The following PHTF1 variants were observed in gnomAD, a reference collection of about 807,000 sequenced individuals.
The protein encoded by PHTF1 is protein PHTF1.
In PHTF1, 88 loss-of-function variants were observed where a neutral mutation model predicts 102.4. The ratio of observed to expected loss-of-function variants is 0.86; its 90% CI spans 0.72 to 1.03. The LOEUF is 1.03. Among genes scored for constraint, PHTF1 ranks in the 50% least tolerant of loss-of-function variants. The probability of loss-of-function intolerance (pLI) is 0.00; values close to 1 mark genes in which losing one functional copy is unlikely to be tolerated. For synonymous variants in PHTF1, 289 were observed against 305.2 expected (o/e 0.95, Z 0.55); for missense variants, 814 against 909.5 (o/e 0.89, Z 1.35).
At chr1:113,736,059 G>A (rs886836159) in intron 5 of PHTF1, among the ~76,000 whole-genome samples, 3 of 152,056 alleles carry the variant, frequency 2.0e-5, no homozygotes, top group Non-Finnish European at 2.9e-5. Flanking sequence ...ATATAAATAG[G>A]AGGCCAGGCG....
chr1:113,719,632 C>T (rs761090420), intron 7 of PHTF1, among the ~76,000 whole-genome samples: 7 of 152,216 alleles, frequency 4.6e-5, no homozygotes, highest in Non-Finnish European at 5.9e-5. Context: ...GCATTGCTGT[C>T]AAAGCCATTC....
At chr1:113,704,837 ATG>A (rs1557905514) in intron 13 of PHTF1, 40 bp from the exon 14 acceptor site, 1 of 1,385,736 alleles carries the variant, frequency 7.2e-7, no homozygotes, top group Admixed American at 2.0e-5. Context: ...AAATGTATGT[ATG>A]TGTCTGTGTA....
rs575659203 is a variant in PHTF1 at position 113,721,694 on chromosome 1, C to A, written c.623+3065G>T. 4.6e-5 allele frequency among the ~76,000 whole-genome samples: 7 copies of A among 151,994 alleles called. No homozygotes were observed. The East Asian group carries it at 7.7e-4, about 17-fold the overall frequency. Reference sequence around the variant, plus strand: ...ACAAAATTGACATAAAAATCAATAGCATTTCTTTTTTTTGAGACAGAGTCT... The same window carrying A: ...ACAAAATTGACATAAAAATCAATAGAATTTCTTTTTTTTGAGACAGAGTCT... On this transcript the variant is annotated intron_variant, in intron 7 of 18. Transcript: ENST00000369604.
upstream of PHTF1, chr1:113,759,578 G>A (rs1242154639): frequency 3.3e-5 from 5 of 152,484 alleles, no homozygotes; most frequent in Admixed American, 2.6e-4. Flanking sequence ...CTCCGCCCCT[G>A]GCCCGGGGCC....
chr1:113,715,304 C>G (rs1030643386), intron 7 of PHTF1: 1 of 152,190 alleles, frequency 6.6e-6, no homozygotes, highest in African/African-American at 2.4e-5. Flanking sequence ...TAATAAGATA[C>G]CAGTGACCAA....
chr1:113,701,079 A>C, intron 15 of PHTF1, 130 bp from the exon 16 acceptor site: 1 of 677,792 alleles, frequency 1.5e-6, no homozygotes, highest in Non-Finnish European at 2.5e-6. Context: ...GAAGAGCTTT[A>C]ATACTCATTA....
chr1:113,705,719 T>G, intron 13 of PHTF1, 171 bp downstream of exon 13: 1 of 622,518 alleles, frequency 1.6e-6, no homozygotes, highest in Non-Finnish European at 2.8e-6. Flanking sequence ...ACGTGTAATA[T>G]GTAAATAGTC....
chr1:113,735,147 C>A (rs551719730), intron 5 of PHTF1, among the ~76,000 whole-genome samples: 3 of 152,026 alleles, frequency 2.0e-5, no homozygotes, highest in Admixed American at 6.6e-5. Flanking sequence ...AGGAGGATCA[C>A]CTGGGGTCAG....
intron 3 of PHTF1, among the ~76,000 whole-genome samples, chr1:113,751,495 T>C (rs1163427214): frequency 6.6e-6 from 1 of 152,236 alleles, no homozygotes; most frequent in Non-Finnish European, 1.5e-5. Flanking sequence ...GTACTTAGCA[T>C]GACATTTTTT....
chr1:113,702,788 G>A lies in PHTF1; in HGVS notation c.1890+1293C>T, dbSNP rs557158656. On this transcript the variant is annotated intron_variant, in intron 15 of 18. Coordinates refer to ENST00000369604, the MANE Select transcript of PHTF1 (RefSeq NM_001323043.2). ...GATATAACATGTAGAAATGAATCAA[G>A]ACAGCTGGTGCAATGAAATTAACAT... Among the ~76,000 whole-genome samples, 3 of 152,252 alleles carry A rather than the reference G, an allele frequency of 2.0e-5. No individual in the cohort carries two copies. In the South Asian group the frequency reaches 6.2e-4, roughly 32 times the overall value.
rs1655797869 is a variant in PHTF1 at position 113,738,141 on chromosome 1, A to G, written c.300T>C (p.Phe100=). The G allele has an allele frequency of 6.2e-7, 1 of 1,612,460 alleles. No homozygotes were observed. Among genetic ancestry groups the G allele is most frequent in the Admixed American group, 1.7e-5 (1 of 59,984 alleles). ...WWIQVTSLRI[F]VWLLLLYFMQ... is the part of the protein sequence containing the mutation. ...TGAAATAAAGTAGTAACAGCCAAAC[A>G]AAGATTCTTAAAGAGGTAACCTGAA... Residue 100 remains phenylalanine, a synonymous_variant, in exon 5 of 19, where the codon TTT becomes TTC. Coordinates refer to ENST00000369604, the MANE Select transcript of PHTF1 (RefSeq NM_001323043.2).
chr1:113,697,961 A>G (rs991479082), intron 18 of PHTF1, among the ~76,000 whole-genome samples: 1 of 152,226 alleles, frequency 6.6e-6, no homozygotes, highest in African/African-American at 2.4e-5. Flanking sequence ...TACATTCCCC[A>G]GGATCAGAGT....
intron 5 of PHTF1, among the ~76,000 whole-genome samples, chr1:113,734,505 G>A (rs1363790043): frequency 6.6e-6 from 1 of 152,206 alleles, no homozygotes; most frequent in Non-Finnish European, 1.5e-5. Context: ...TGTGGTCTAG[G>A]ATTCTGTGGA....
At chr1:113,738,872 A>T (rs1032428049) in intron 3 of PHTF1, 73 bp from the exon 4 acceptor site, 39 of 1,127,824 alleles carry the variant, frequency 3.5e-5, no homozygotes, top group Non-Finnish European at 5.0e-5. Flanking sequence ...TATTTTTGAG[A>T]CACAGTTTCG....
chr1:113,741,078 A>C (rs1421076694), intron 3 of PHTF1, among the ~76,000 whole-genome samples: 1 of 152,234 alleles, frequency 6.6e-6, no homozygotes, highest in Non-Finnish European at 1.5e-5. Context: ...CTAATTCTTA[A>C]TTATGTCTTA....
intron 9 of PHTF1, 28 bp downstream of exon 9, chr1:113,711,912 T>C: frequency 1.2e-6 from 2 of 1,606,104 alleles, no homozygotes; most frequent in Non-Finnish European, 1.7e-6. Flanking sequence ...TTCAGTCCTA[T>C]ACTTTCATAA....
chr1:113,724,647 C>A, intron 7 of PHTF1, 112 bp downstream of exon 7: 1 of 711,252 alleles, frequency 1.4e-6, no homozygotes. Context: ...CCTCTGATAA[C>A]CCTTAAAAAT....
rs1648922183 is a variant in PHTF1, at chr1:113,697,487, G to A, written c.*218C>T. The A allele has an allele frequency of 2.0e-6, 1 of 488,666 alleles. No homozygotes were observed. Among genetic ancestry groups the A allele is most frequent in the Admixed American group, 3.7e-5 (1 of 27,108 alleles). The allele number at this position is 488,666 out of a possible 1,614,324, so 30.3% of individuals were successfully genotyped here. A position where few individuals can be genotyped will look rare whatever the true frequency, so the allele number is the denominator to read the frequency against. ...AGTCTTTAGTCAGCTGACTATTCAT[G>A]TTGTTTGAAAAGCATGAAAATACAG... On this transcript the variant is annotated 3_prime_UTR_variant, in exon 19 of 19. Transcript: ENST00000369604.
At chr1:113,712,235 A>C in intron 8 of PHTF1, 122 bp from the exon 9 acceptor site, 1 of 676,086 alleles carries the variant, frequency 1.5e-6, no homozygotes, top group Non-Finnish European at 2.5e-6. Context: ...ACTAACCCAA[A>C]ACTGAACAAA....
Sources: gnomAD v4.1 joint callset for allele counts (sites outside exome capture counted in the v4.1 genomes callset) on GRCh38, gnomAD v4.1.1 for gene constraint, MANE v1.5 for transcripts, NCBI Gene and HGNC (gene_info 2026-07-23, HGNC 2026-07-21) for gene names.